The following SDK1 variants were observed in gnomAD, a reference collection of about 807,000 sequenced individuals.
SDK1 encodes protein sidekick-1.
A neutral mutation model predicts 245.5 loss-of-function variants in SDK1; 157 were observed. The observed-to-expected ratio is 0.64, with a 90% CI of 0.56 to 0.73. The LOEUF (loss-of-function observed/expected upper bound fraction) is 0.73, where lower values mean the gene tolerates loss of function less well. Ranked by LOEUF, SDK1 falls within the 30% of genes least tolerant of loss-of-function variation. The probability of loss-of-function intolerance (pLI) is 0.00; values close to 1 mark genes in which losing one functional copy is unlikely to be tolerated. For missense variants in SDK1, 3,583 were observed against 3,002.3 expected (o/e 1.19, Z -4.52); for synonymous variants, 1,647 against 1,278.5 (o/e 1.29, Z -6.15).
intron 5 of SDK1, among the ~76,000 whole-genome samples, chr7:3,893,686 C>G (rs533653621): frequency 6.6e-6 from 1 of 151,314 alleles, no homozygotes; most frequent in African/African-American, 2.4e-5. Flanking sequence ...AGTTCATTAT[C>G]CCAGCCACGA....
chr7:3,634,243 TAGAC>T, intron 2 of SDK1, among the ~76,000 whole-genome samples: 1 of 152,106 alleles, frequency 6.6e-6, no homozygotes, highest in Non-Finnish European at 1.5e-5. Flanking sequence ...AGATCCTAGG[TAGAC>T]TGAAAATGTC....
intron 5 of SDK1, among the ~76,000 whole-genome samples, chr7:3,873,072 C>T (rs1014391521): frequency 1.3e-5 from 2 of 152,050 alleles, no homozygotes; most frequent in African/African-American, 4.8e-5. Flanking sequence ...AGTCTCTGAC[C>T]TATATCATAC....
chr7:3,770,013 C>A (rs1780363378), intron 4 of SDK1, among the ~76,000 whole-genome samples: 1 of 151,396 alleles, frequency 6.6e-6, no homozygotes, highest in South Asian at 2.1e-4. Flanking sequence ...GTTCACATAT[C>A]CCTACTACAG....
At chr7:3,341,904 T>A (rs562222704) in intron 1 of SDK1, among the ~76,000 whole-genome samples, 31 of 152,286 alleles carry the variant, frequency 2.0e-4, no homozygotes, top group Admixed American at 5.2e-4. Flanking sequence ...CAGCAAAGAT[T>A]TTTGGTAGAT....
At chr7:3,477,193 T>A (rs1317359258) in intron 1 of SDK1, among the ~76,000 whole-genome samples, 1 of 132,206 alleles carries the variant, frequency 7.6e-6, no homozygotes, top group Non-Finnish European at 1.6e-5. Flanking sequence ...TTTCTCCTTT[T>A]TTTTTTTTTT....
At chr7:3,400,682 G>T (rs866549212) in intron 1 of SDK1, among the ~76,000 whole-genome samples, 1 of 152,122 alleles carries the variant, frequency 6.6e-6, no homozygotes, top group Non-Finnish European at 1.5e-5. Flanking sequence ...AGAAATATAT[G>T]TGTCATAATT....
intron 4 of SDK1, among the ~76,000 whole-genome samples, chr7:3,820,373 C>T (rs7804248): frequency 6.6e-6 from 1 of 152,068 alleles, no homozygotes; most frequent in Admixed American, 6.5e-5. Flanking sequence ...TGGTCTCGAT[C>T]TCTTGACGTC....
intron 5 of SDK1, among the ~76,000 whole-genome samples, chr7:3,903,898 C>G (rs1184809371): frequency 1.3e-5 from 2 of 152,198 alleles, no homozygotes; most frequent in Admixed American, 6.5e-5. Flanking sequence ...TAAAAAAGAG[C>G]CTTGCACCTC....
chr7:3,852,223 T>C lies in SDK1; in HGVS notation c.847+30640T>C, dbSNP rs73310092. ...AGATTCTTTAAATCATTTTGAAATT[T>C]TGATTTTAAAAATAGTTCTGGCTAA... On this transcript the variant is annotated intron_variant, in intron 5 of 44. Transcript: ENST00000404826. Among the ~76,000 whole-genome samples the C allele has an allele frequency of 8.3e-3, 1,269 of 152,018 alleles. 22 individuals carry two copies. Among genetic ancestry groups the C allele is most frequent in the African/African-American group, 0.029 (1,207 of 41,460 alleles).
chr7:3,594,257 C>A (rs1449721991), intron 1 of SDK1, among the ~76,000 whole-genome samples: 1 of 152,150 alleles, frequency 6.6e-6, no homozygotes, highest in South Asian at 2.1e-4. Flanking sequence ...TTTCAAGGCT[C>A]ATCCATGTTG....
intron 1 of SDK1, among the ~76,000 whole-genome samples, chr7:3,603,306 A>G (rs941072562): frequency 6.7e-6 from 1 of 148,290 alleles, no homozygotes; most frequent in African/African-American, 2.5e-5. Context: ...GATTCTTCCT[A>G]CCCATGAGCA....
At chr7:3,447,358 A>G (rs369003260) in intron 1 of SDK1, among the ~76,000 whole-genome samples, 1 of 152,166 alleles carries the variant, frequency 6.6e-6, no homozygotes, top group African/African-American at 2.4e-5. Flanking sequence ...TTAATCTCCA[A>G]CTGATGTTAA....
chr7:3,705,451 ATT>A (rs1177567170), intron 4 of SDK1, among the ~76,000 whole-genome samples: 6 of 127,952 alleles, frequency 4.7e-5, no homozygotes, highest in African/African-American at 2.4e-4. Flanking sequence ...ATTTTATTTT[ATT>A]TTATTTTATT....
chr7:3,306,577 A>C (rs117457854), intron 1 of SDK1, among the ~76,000 whole-genome samples: 1 of 152,190 alleles, frequency 6.6e-6, no homozygotes, highest in East Asian at 1.9e-4. Context: ...TTTAGGCTAT[A>C]CTGGGGTTTA....
chr7:3,642,416 C>A (rs868538364), intron 4 of SDK1, among the ~76,000 whole-genome samples: 1 of 152,074 alleles, frequency 6.6e-6, no homozygotes, highest in African/African-American at 2.4e-5. Context: ...CATTGTCATC[C>A]CTGAGTTGGG....
chr7:4,168,417 A>G (rs1485569744), intron 32 of SDK1, among the ~76,000 whole-genome samples: 2 of 152,208 alleles, frequency 1.3e-5, no homozygotes, highest in Non-Finnish European at 2.9e-5. Context: ...CGCCTAGGCT[A>G]GAAATATCTG....
intron 5 of SDK1, among the ~76,000 whole-genome samples, chr7:3,823,579 A>C (rs926662317): frequency 8.5e-5 from 13 of 152,110 alleles, no homozygotes; most frequent in Admixed American, 7.2e-4. Context: ...GAATATGTAA[A>C]TTTTTTTCAG....
At chr7:3,593,823 C>T (rs549081425) in intron 1 of SDK1, among the ~76,000 whole-genome samples, 5 of 152,052 alleles carry the variant, frequency 3.3e-5, no homozygotes, top group East Asian at 3.9e-4. Flanking sequence ...TTTGCCACTT[C>T]GCAGCTCTTT....
rs1252877475 is a variant in SDK1, at chr7:3,924,237, G to A, written c.848-26686G>A. On this transcript the variant is annotated intron_variant, in intron 5 of 44. Transcript: ENST00000404826. ...AGTATTTCTGAGATCCAGTGGATCA[G>A]CCTGAGGAGCAGTTGCGTGGAAGGA... Among the ~76,000 whole-genome samples, 5 of 152,156 alleles carry A rather than the reference G, an allele frequency of 3.3e-5. No individual in the cohort carries two copies. In the East Asian group the frequency reaches 9.6e-4, roughly 29 times the overall value.
Sources: allele counts gnomAD v4.1 joint callset (sites outside exome capture counted in the v4.1 genomes callset), GRCh38; gene constraint gnomAD v4.1.1; transcripts MANE v1.5; gene names NCBI Gene and HGNC (gene_info 2026-07-23, HGNC 2026-07-21).